The following SYT1 variants were observed in gnomAD, a reference collection of about 807,000 sequenced individuals.
SYT1 encodes synaptotagmin 1.
Under a neutral mutation model 44.8 loss-of-function variants are expected in SYT1, and 8 were observed. That is an observed-to-expected ratio of 0.18 (90% CI 0.10 to 0.32). The LOEUF (loss-of-function observed/expected upper bound fraction) is 0.32, where lower values mean the gene tolerates loss of function less well. SYT1 is among the 10% of genes least tolerant of loss of function. The probability of loss-of-function intolerance (pLI) is 1.00; values close to 1 mark genes in which losing one functional copy is unlikely to be tolerated. For synonymous variants in SYT1, 154 were observed against 188.8 expected, an observed-to-expected ratio of 0.82 and a Z score of 1.51; for missense variants, 286 against 509.3, an observed-to-expected ratio of 0.56 and a Z score of 4.22.
chr12:79,129,107 G>A (rs1868635740), intron 3 of SYT1, among the ~76,000 whole-genome samples: 1 of 152,130 alleles, frequency 6.6e-6, no homozygotes, highest in Non-Finnish European at 1.5e-5. Flanking sequence ...CTCTCCTTTA[G>A]CTTTATGTGT....
At chr12:79,018,772 T>C (rs1403177524) in intron 2 of SYT1, among the ~76,000 whole-genome samples, 1 of 152,002 alleles carries the variant, frequency 6.6e-6, no homozygotes, top group East Asian at 1.9e-4. Context: ...TCTTTGAGAG[T>C]TAAAGAGTTT....
intron 4 of SYT1, among the ~76,000 whole-genome samples, chr12:79,263,766 T>C (rs937036607): frequency 2.6e-4 from 40 of 152,250 alleles, no homozygotes; most frequent in Non-Finnish European, 3.5e-4. Flanking sequence ...TATTTCACTA[T>C]TTTACTAAAT....
chr12:79,437,987 C>G (rs1165124083), intron 9 of SYT1, among the ~76,000 whole-genome samples: 2 of 151,994 alleles, frequency 1.3e-5, no homozygotes, highest in African/African-American at 4.8e-5. Context: ...AAGAAGAGAG[C>G]AAAGGAGAGT....
chr12:78,949,328 G>T (rs1212550418), intron 1 of SYT1, among the ~76,000 whole-genome samples: 1 of 151,686 alleles, frequency 6.6e-6, no homozygotes, highest in Admixed American at 6.6e-5. Context: ...ATTAAAATGG[G>T]TGTGAAATAA....
chr12:78,957,196 C>T (rs1366110254), intron 1 of SYT1, among the ~76,000 whole-genome samples: 1 of 152,120 alleles, frequency 6.6e-6, no homozygotes, highest in Non-Finnish European at 1.5e-5. Context: ...AAACCGGTCA[C>T]AGTGGCTCAT....
chr12:78,955,487 C>G (rs1879161110), intron 1 of SYT1: 1 of 152,104 alleles, frequency 6.6e-6, no homozygotes, highest in Admixed American at 6.6e-5. Context: ...ACTCCTGGAT[C>G]AAGGCCCTGG....
chr12:79,331,427 C>T (rs1039147170), intron 8 of SYT1, among the ~76,000 whole-genome samples: 3 of 152,138 alleles, frequency 2.0e-5, no homozygotes, highest in Non-Finnish European at 4.4e-5. Context: ...TGCATATACT[C>T]TTTTCAGCTT....
chr12:79,149,562 A>G (rs945468141), intron 3 of SYT1, among the ~76,000 whole-genome samples: 5 of 152,192 alleles, frequency 3.3e-5, no homozygotes, highest in Admixed American at 1.3e-4. Flanking sequence ...AACATATAAC[A>G]TATTTTTTTA....
In SYT1 at chr12:79,358,869, G is replaced by A. The variant is rs752344619; in HGVS notation, c.928+5250G>A. Among the ~76,000 whole-genome samples, 5 of 152,246 alleles carry A rather than the reference G, an allele frequency of 3.3e-5. No homozygotes were observed. In the East Asian group the frequency reaches 5.8e-4, roughly 18 times the overall value. On this transcript the variant is annotated intron_variant, in intron 9 of 10. Transcript: ENST00000261205. ...TTCTTGGAGACTGGGGAAAATGTTC[G>A]TAACTGTAAACCCTTAAGGATACTC...
intron 9 of SYT1, among the ~76,000 whole-genome samples, chr12:79,408,840 A>G (rs1417220282): frequency 6.6e-6 from 1 of 151,738 alleles, no homozygotes; most frequent in Admixed American, 6.6e-5. Context: ...TTACTTTGTA[A>G]TAGCTCTAAA....
chr12:79,373,190 G>A (rs1397464129), intron 9 of SYT1, among the ~76,000 whole-genome samples: 4 of 152,068 alleles, frequency 2.6e-5, no homozygotes. Flanking sequence ...GGGGAGAGAG[G>A]AATATCCTCT....
chr12:79,328,308 A>T (rs190802687), intron 8 of SYT1, among the ~76,000 whole-genome samples: 1 of 152,234 alleles, frequency 6.6e-6, no homozygotes. Context: ...AGGACAATAA[A>T]TGAAATTACA....
At chr12:79,423,487 G>A (rs1452210506) in intron 9 of SYT1, among the ~76,000 whole-genome samples, 1 of 152,004 alleles carries the variant, frequency 6.6e-6, no homozygotes, top group Non-Finnish European at 1.5e-5. Context: ...TCAGAATTTT[G>A]TAAGTACTTT....
At chr12:79,218,411 A>G (rs759785219) in intron 4 of SYT1, among the ~76,000 whole-genome samples, 1 of 152,170 alleles carries the variant, frequency 6.6e-6, no homozygotes, top group Non-Finnish European at 1.5e-5. Flanking sequence ...TTATTCCACA[A>G]TGTATCAAAA....
chr12:78,929,428 A>C (rs1411158831), intron 1 of SYT1, among the ~76,000 whole-genome samples: 1,930 of 138,306 alleles, frequency 0.014, 108 homozygotes, highest in African/African-American at 0.052. Flanking sequence ...AAAAAAAAAA[A>C]AAAAAAAAAA....
At chr12:78,974,929 A>C (rs1868707271) in intron 1 of SYT1, among the ~76,000 whole-genome samples, 1 of 152,128 alleles carries the variant, frequency 6.6e-6, no homozygotes, top group South Asian at 2.1e-4. Context: ...ACCCTTCAGC[A>C]CAAACTCACC....
At chr12:79,106,864 C>T (rs919714487) in intron 3 of SYT1, among the ~76,000 whole-genome samples, 1 of 151,864 alleles carries the variant, frequency 6.6e-6, no homozygotes, top group Non-Finnish European at 1.5e-5. Context: ...TCTACTTTAC[C>T]TTTAATCATA....
intron 1 of SYT1, among the ~76,000 whole-genome samples, chr12:78,961,005 C>A (rs1019373627): frequency 1.3e-5 from 2 of 152,152 alleles, no homozygotes; most frequent in African/African-American, 4.8e-5. Flanking sequence ...CGTATATATT[C>A]ATTCTACCTT....
chr12:78,983,548 A>C (rs1167581093), intron 2 of SYT1, among the ~76,000 whole-genome samples: 2 of 152,082 alleles, frequency 1.3e-5, no homozygotes, highest in Non-Finnish European at 2.9e-5. Flanking sequence ...TTCTACATTT[A>C]CTATATGTAC....
Sources: allele counts gnomAD v4.1 joint callset (sites outside exome capture counted in the v4.1 genomes callset), GRCh38; gene constraint gnomAD v4.1.1; transcripts MANE v1.5; gene names NCBI Gene and HGNC (gene_info 2026-07-23, HGNC 2026-07-21).